Variants in MTSS1 observed in about 807,000 individuals in gnomAD.
The protein encoded by MTSS1 is protein MTSS 1.
MTSS1 carries 18 observed loss-of-function variants against 79.0 expected under a neutral mutation model. The observed-to-expected ratio is 0.23, with a 90% CI of 0.16 to 0.34. The LOEUF is 0.34. MTSS1 is among the 10% of genes least tolerant of loss of function. The pLI is 1.00. For missense variants in MTSS1, 815 were observed against 986.2 expected, an observed-to-expected ratio of 0.83 and a Z score of 2.33; for synonymous variants, 341 against 368.6, an observed-to-expected ratio of 0.93 and a Z score of 0.86.
intron 3 of MTSS1, among the ~76,000 whole-genome samples, chr8:124,603,620 G>A (rs1452615385): frequency 6.6e-6 from 1 of 152,184 alleles, no homozygotes; most frequent in East Asian, 1.9e-4. Flanking sequence ...ATCATTTGAT[G>A]CCCTACATTT....
chr8:124,701,723 C>G (rs1829731600), intron 2 of MTSS1, among the ~76,000 whole-genome samples: 1 of 152,164 alleles, frequency 6.6e-6, no homozygotes, highest in Non-Finnish European at 1.5e-5. Flanking sequence ...AAGTTTGAGG[C>G]TTTTAAATGG....
intron 3 of MTSS1, among the ~76,000 whole-genome samples, chr8:124,642,193 A>G (rs1161938411): frequency 6.6e-6 from 1 of 152,232 alleles, no homozygotes. Flanking sequence ...ACATGCTTTC[A>G]ATTGTGGATG....
intron 3 of MTSS1, among the ~76,000 whole-genome samples, chr8:124,602,207 A>ACACACACACAC: frequency 1.1e-4 from 15 of 142,168 alleles, no homozygotes; most frequent in East Asian, 4.0e-4. Flanking sequence ...ATATATATAT[A>ACACACACACAC]ATTTTTTTTT....
chr8:124,708,758 T>C (rs1830733959), intron 1 of MTSS1, among the ~76,000 whole-genome samples: 1 of 152,094 alleles, frequency 6.6e-6, no homozygotes. Flanking sequence ...CCTACGAACA[T>C]CCACCCAGCC....
At chr8:124,697,589 A>C (rs143523141) in intron 3 of MTSS1, among the ~76,000 whole-genome samples, 47 of 152,196 alleles carry the variant, frequency 3.1e-4, no homozygotes, top group South Asian at 1.7e-3. Context: ...AACAAACAAA[A>C]AAAAAACCCT....
At position 124,663,979 on chromosome 8, in the gene MTSS1, A is replaced by C. The variant is rs182155364; in HGVS notation, c.208+35547T>G. On this transcript the variant is annotated intron_variant, in intron 3 of 13. Transcript: ENST00000518547. The stretch of plus-strand genomic sequence containing the variant: ...ACCCGGGATGGACTGGTGCTGGCCC[A>C]GTGGTGTCTGCAGACAAAGGAGAAA... Among the ~76,000 whole-genome samples the C allele has an allele frequency of 1.6e-3, 244 of 152,314 alleles. 2 individuals are homozygous for C. Among genetic ancestry groups the C allele is most frequent in the Non-Finnish European group, 2.7e-3 (184 of 68,026 alleles).
chr8:124,698,909 T>A (rs923452728), intron 3 of MTSS1, among the ~76,000 whole-genome samples: 2 of 152,366 alleles, frequency 1.3e-5, no homozygotes, highest in Non-Finnish European at 2.9e-5. Flanking sequence ...AACTTTTATA[T>A]GATTCAGTAC....
intron 1 of MTSS1, among the ~76,000 whole-genome samples, chr8:124,717,370 T>C (rs1403886268): frequency 6.6e-6 from 1 of 150,450 alleles, no homozygotes; most frequent in Non-Finnish European, 1.5e-5. Flanking sequence ...GTGGTGCATG[T>C]CTATAGTCCT....
chr8:124,586,443 A>G (rs891759727), intron 5 of MTSS1, among the ~76,000 whole-genome samples: 1 of 152,030 alleles, frequency 6.6e-6, no homozygotes, highest in Admixed American at 6.6e-5. Flanking sequence ...TCATTTTCTA[A>G]TTCCTCAACC....
chr8:124,608,230 C>A (rs557804831), intron 3 of MTSS1, among the ~76,000 whole-genome samples: 2 of 152,142 alleles, frequency 1.3e-5, no homozygotes, highest in South Asian at 2.1e-4. Context: ...GTTTTCTTCC[C>A]CACACCCACT....
At chr8:124,659,414 T>C (rs544817401) in intron 3 of MTSS1, among the ~76,000 whole-genome samples, 12 of 152,218 alleles carry the variant, frequency 7.9e-5, no homozygotes, top group Non-Finnish European at 1.8e-4. Flanking sequence ...GGTATGCCTT[T>C]AGCTGATAAT....
intron 3 of MTSS1, among the ~76,000 whole-genome samples, chr8:124,652,924 A>G (rs1471867782): frequency 2.0e-5 from 3 of 152,210 alleles, no homozygotes; most frequent in Non-Finnish European, 4.4e-5. Flanking sequence ...TCAACCCGTG[A>G]AAGGTTATCA....
At chr8:124,621,839 A>C (rs2382633) in intron 3 of MTSS1, among the ~76,000 whole-genome samples, 1 of 152,046 alleles carries the variant, frequency 6.6e-6, no homozygotes, top group South Asian at 2.1e-4. Context: ...GTGATCCACC[A>C]CGCCCAGCCC....
intron 3 of MTSS1, among the ~76,000 whole-genome samples, chr8:124,646,187 C>G (rs1403355069): frequency 3.3e-5 from 5 of 152,214 alleles, no homozygotes; most frequent in African/African-American, 7.2e-5. Flanking sequence ...CTGTCCATCT[C>G]ACTGGAATAT....
In MTSS1 at chr8:124,682,076, C is replaced by CA. The variant is rs550357209; in HGVS notation, c.208+17449dup. Among the ~76,000 whole-genome samples, 110 of 152,246 alleles carry CA rather than the reference C, an allele frequency of 7.2e-4. 4 individuals carry two copies. In the South Asian group the frequency reaches 0.023, roughly 31 times the overall value. On this transcript the variant is annotated intron_variant, in intron 3 of 13. Coordinates refer to ENST00000518547, the MANE Select transcript of MTSS1 (RefSeq NM_014751.6). ...AGGCAACTTCCCAAAAGTCACACTGCAAAAAAGAGTGCAGGCTGGGATTCA... is the reference window on the plus strand; with the variant it reads ...AGGCAACTTCCCAAAAGTCACACTGCAAAAAAAGAGTGCAGGCTGGGATTCA...
intron 3 of MTSS1, among the ~76,000 whole-genome samples, chr8:124,635,471 CAACAGAGACA>C (rs1816800507): frequency 6.6e-6 from 1 of 152,226 alleles, no homozygotes. Flanking sequence ...AAATCTATGT[CAACAGAGACA>C]TCTGTAATGC....
chr8:124,629,505 C>CAAAAAAAAAAAAAA (rs982816199), intron 3 of MTSS1, among the ~76,000 whole-genome samples: 3 of 62,202 alleles, frequency 4.8e-5, no homozygotes, highest in East Asian at 9.8e-4. Context: ...GACTCCGTCT[C>CAAAAAAAAAAAAAA]AAAAAAAAAA....
chr8:124,721,079 C>G (rs1832840044), intron 1 of MTSS1, among the ~76,000 whole-genome samples: 1 of 152,122 alleles, frequency 6.6e-6, no homozygotes, highest in African/African-American at 2.4e-5. Context: ...AGATAGAAAG[C>G]TGTGTTGCAA....
At position 124,723,924 on chromosome 8, in the gene MTSS1, G is replaced by C. The variant is rs148171728; in HGVS notation, c.72+3960C>G. Among the ~76,000 whole-genome samples, 549 of 152,282 alleles carry C rather than the reference G, an allele frequency of 3.6e-3. 1 individual carries two copies. The highest frequency in any genetic ancestry group is 5.7e-3 in the Non-Finnish European group (390 of 68,024). On this transcript the variant is annotated intron_variant, in intron 1 of 13. Coordinates refer to ENST00000518547, the MANE Select transcript of MTSS1 (RefSeq NM_014751.6). ...AAAACTTTTTTTTTGAGGCCTCCAA[G>C]GGAACTCCTGCAGAGACTGATGCTC...
Sources: allele counts gnomAD v4.1 joint callset (sites outside exome capture counted in the v4.1 genomes callset), GRCh38; gene constraint gnomAD v4.1.1; transcripts MANE v1.5; gene names NCBI Gene and HGNC (gene_info 2026-07-23, HGNC 2026-07-21).